The following UNC13C variants were observed in gnomAD, a reference collection of about 807,000 sequenced individuals.
UNC13C encodes protein unc-13 homolog C.
In UNC13C, 174 loss-of-function variants were observed where a neutral mutation model predicts 245.4. The observed-to-expected ratio is 0.71, with a 90% confidence interval of 0.63 to 0.80. UNC13C has a LOEUF of 0.80. UNC13C is among the 30% of genes least tolerant of loss of function. The pLI is 0.00. For missense variants in UNC13C, 2,829 were observed against 2,602.9 expected (o/e 1.09, Z -1.89); for synonymous variants, 992 against 895.1 (o/e 1.11, Z -1.93).
intron 17 of UNC13C, among the ~76,000 whole-genome samples, chr15:54,373,076 T>G (rs1167965069): frequency 6.6e-6 from 1 of 152,082 alleles, no homozygotes; most frequent in African/African-American, 2.4e-5. Flanking sequence ...TGTCCCCAGT[T>G]GAAGCAAAGC....
chr15:54,265,103 A>G (rs1297898348), intron 9 of UNC13C, among the ~76,000 whole-genome samples: 1 of 152,024 alleles, frequency 6.6e-6, no homozygotes, highest in African/African-American at 2.4e-5. Context: ...ATGAGTATAT[A>G]GCTAATATGT....
At chr15:54,307,195 A>G (rs2037749181) in intron 13 of UNC13C, among the ~76,000 whole-genome samples, 1 of 151,962 alleles carries the variant, frequency 6.6e-6, no homozygotes, top group Non-Finnish European at 1.5e-5. Flanking sequence ...ACAGAAATTT[A>G]TTTCTCACAG....
chr15:54,122,832 C>T (rs890379638), intron 2 of UNC13C, among the ~76,000 whole-genome samples: 2 of 151,986 alleles, frequency 1.3e-5, no homozygotes, highest in African/African-American at 4.8e-5. Context: ...TTGGATAGAG[C>T]AAAATTTGTT....
chr15:54,560,833 A>C (rs758754413), intron 29 of UNC13C, among the ~76,000 whole-genome samples: 1 of 152,030 alleles, frequency 6.6e-6, no homozygotes, highest in Non-Finnish European at 1.5e-5. Flanking sequence ...ACTACTTAAA[A>C]GATTATTGAA....
At chr15:54,466,220 A>G (rs1892159081) in intron 19 of UNC13C, among the ~76,000 whole-genome samples, 1 of 151,958 alleles carries the variant, frequency 6.6e-6, no homozygotes, top group South Asian at 2.1e-4. Flanking sequence ...TAATGGGTAC[A>G]AAAATACAAT....
chr15:54,485,394 T>C (rs1247893091), intron 19 of UNC13C, among the ~76,000 whole-genome samples: 1 of 152,206 alleles, frequency 6.6e-6, no homozygotes, highest in Non-Finnish European at 1.5e-5. Context: ...GAGGTAAGGC[T>C]ATGTAGTGGA....
At chr15:54,458,646 C>G (rs1356905185) in intron 19 of UNC13C, among the ~76,000 whole-genome samples, 2 of 118,172 alleles carry the variant, frequency 1.7e-5, no homozygotes, top group Non-Finnish European at 3.6e-5. Context: ...TAGAATGTCC[C>G]TCTGTCTTTT....
chr15:54,631,007 T>C (rs1350256617), downstream of UNC13C: 2 of 152,116 alleles, frequency 1.3e-5, no homozygotes, highest in Non-Finnish European at 2.9e-5. Flanking sequence ...TTAAAAAGTA[T>C]ATATAAATCG....
chr15:54,159,744 AG>A (rs1290506757), intron 4 of UNC13C, among the ~76,000 whole-genome samples: 1 of 152,206 alleles, frequency 6.6e-6, no homozygotes, highest in East Asian at 1.9e-4. Flanking sequence ...CCAGATTGGA[AG>A]GGCCTTAAAC....
At chr15:54,428,108 T>G (rs965369899) in intron 19 of UNC13C, among the ~76,000 whole-genome samples, 2 of 151,980 alleles carry the variant, frequency 1.3e-5, no homozygotes, top group Admixed American at 1.3e-4. Flanking sequence ...TTTCTTTCAT[T>G]GTTAGTTGTG....
rs185274763 is a variant in UNC13C at position 54,238,636 on chromosome 15, C to A, written c.3228+946C>A. On this transcript the variant is annotated intron_variant, in intron 7 of 32. Transcript: ENST00000260323. The stretch of plus-strand genomic sequence containing the variant: ...AGCTTCTGTTTTATTATTTTTATTA[C>A]AATTATTTTGATTATTTTGCATACA... 4.6e-4 allele frequency among the ~76,000 whole-genome samples: 70 copies of A among 152,246 alleles called. No homozygotes were observed. In the East Asian group the frequency reaches 0.01, roughly 23 times the overall value.
chr15:54,110,683 A>T (rs949413628), intron 2 of UNC13C, among the ~76,000 whole-genome samples: 2 of 152,180 alleles, frequency 1.3e-5, no homozygotes, highest in Admixed American at 6.5e-5. Flanking sequence ...CAAACCATTA[A>T]ACCAGAGGCT....
rs141740544 is a variant in UNC13C at position 54,158,536 on chromosome 15, G to A, written c.3071+14852G>A. Among the ~76,000 whole-genome samples the A allele has an allele frequency of 3.2e-4, 49 of 151,742 alleles. No homozygotes were observed. In the East Asian group the frequency reaches 8.8e-3, roughly 27 times the overall value. ...GGATTTCACTATGTTAGCTAGGATG[G>A]TCTTGATCTCCTGACCTCGTGATCC... On this transcript the variant is annotated intron_variant, in intron 4 of 32. Coordinates refer to ENST00000260323, the MANE Select transcript of UNC13C (RefSeq NM_001080534.3).
the UNC13C span, among the ~76,000 whole-genome samples, chr15:53,927,514 G>A: frequency 0.22 from 34,072 of 152,210 alleles, 4,836 homozygotes; most frequent in Non-Finnish European, 0.31. Flanking sequence ...AAACATCTCA[G>A]TTGTCAGGGT....
At chr15:53,923,381 G>A in the UNC13C span, among the ~76,000 whole-genome samples, 1 of 152,188 alleles carries the variant, frequency 6.6e-6, no homozygotes, top group Non-Finnish European at 1.5e-5. Flanking sequence ...TTAAGTCTCT[G>A]TGTATCTGTC....
chr15:54,127,564 G>A (rs775017666), intron 2 of UNC13C, among the ~76,000 whole-genome samples: 56 of 151,828 alleles, frequency 3.7e-4, no homozygotes, highest in Non-Finnish European at 6.5e-4. Flanking sequence ...TGGGGAGTGG[G>A]GGACTAGGGA....
intron 4 of UNC13C, among the ~76,000 whole-genome samples, chr15:54,219,578 C>A (rs1479969922): frequency 1.4e-5 from 2 of 145,860 alleles, no homozygotes; most frequent in Non-Finnish European, 3.0e-5. Flanking sequence ...GCAATGGCAA[C>A]AAAAGCCAAA....
chr15:54,054,604 A>G (rs978090118), intron 2 of UNC13C, among the ~76,000 whole-genome samples: 1 of 152,166 alleles, frequency 6.6e-6, no homozygotes, highest in African/African-American at 2.4e-5. Flanking sequence ...TGGGAATGTG[A>G]CCCAAATTTG....
At chr15:54,060,850 C>A (rs1183006059) in intron 2 of UNC13C, among the ~76,000 whole-genome samples, 1 of 152,012 alleles carries the variant, frequency 6.6e-6, no homozygotes, top group East Asian at 1.9e-4. Context: ...CCATCATTCT[C>A]AGCAAACTAT....
Sources: gnomAD v4.1 joint callset for allele counts (sites outside exome capture counted in the v4.1 genomes callset) on GRCh38, gnomAD v4.1.1 for gene constraint, MANE v1.5 for transcripts, NCBI Gene and HGNC (gene_info 2026-07-23, HGNC 2026-07-21) for gene names.